Variants in EPHA5 observed in about 807,000 individuals in gnomAD.
The protein encoded by EPHA5 is EPH receptor A5, also known as ephrin type-A receptor 5.
EPHA5 carries 60 observed loss-of-function variants against 105.0 expected under a neutral mutation model. That is an observed-to-expected ratio of 0.57 (90% CI 0.46 to 0.71). The LOEUF (loss-of-function observed/expected upper bound fraction) is 0.71, where lower values mean the gene tolerates loss of function less well. Ranked by LOEUF, EPHA5 falls within the 30% of genes least tolerant of loss-of-function variation. The pLI is 0.00. For missense variants in EPHA5, 1,218 were observed against 1,274.7 expected (o/e 0.96, Z 0.68); for synonymous variants, 513 against 449.1 (o/e 1.14, Z -1.80).
intron 2 of EPHA5, among the ~76,000 whole-genome samples, chr4:65,605,004 C>T (rs1744087797): frequency 6.6e-6 from 1 of 152,200 alleles, no homozygotes; most frequent in Non-Finnish European, 1.5e-5. Flanking sequence ...AATATGATGG[C>T]TGTAGCTCTG....
At chr4:65,486,314 C>T (rs2149202152) in intron 5 of EPHA5, among the ~76,000 whole-genome samples, 1 of 150,988 alleles carries the variant, frequency 6.6e-6, no homozygotes, top group Middle Eastern at 3.4e-3. Context: ...ATTTAAGCCT[C>T]AACCATCTGG....
At chr4:65,418,968 C>T (rs896259655) in intron 6 of EPHA5, among the ~76,000 whole-genome samples, 1 of 142,034 alleles carries the variant, frequency 7.0e-6, no homozygotes, top group African/African-American at 2.6e-5. Flanking sequence ...ACTGCAACCT[C>T]CGCTTCCTGG....
intron 1 of EPHA5, among the ~76,000 whole-genome samples, chr4:65,660,926 T>A (rs534972168): frequency 6.6e-6 from 1 of 152,146 alleles, no homozygotes; most frequent in Admixed American, 6.6e-5. Context: ...CTTTTATTCT[T>A]ACCCTTACCC....
At chr4:65,646,748 A>C (rs1748142995) in intron 1 of EPHA5, among the ~76,000 whole-genome samples, 1 of 152,178 alleles carries the variant, frequency 6.6e-6, no homozygotes, top group African/African-American at 2.4e-5. Flanking sequence ...AAGTTAGCAT[A>C]TTTGGGGGCC....
At chr4:65,644,786 T>A (rs1747975172) in intron 1 of EPHA5, among the ~76,000 whole-genome samples, 1 of 151,904 alleles carries the variant, frequency 6.6e-6, no homozygotes, top group South Asian at 2.1e-4. Flanking sequence ...TATAATAATG[T>A]TAGTAACATT....
chr4:65,521,459 C>A (rs895516634), intron 3 of EPHA5, among the ~76,000 whole-genome samples: 1 of 151,966 alleles, frequency 6.6e-6, no homozygotes, highest in Non-Finnish European at 1.5e-5. Context: ...ACCAACATGG[C>A]ACATGTATAC....
In EPHA5 at chr4:65,601,782, C is replaced by G. The variant is rs757521167; in HGVS notation, c.769G>C (p.Glu257Gln). 2 of 1,614,122 alleles carry G rather than the reference C, an allele frequency of 1.2e-6. No individual in the cohort carries two copies. The highest frequency in any genetic ancestry group is 8.5e-7 in the Non-Finnish European group (1 of 1,180,022). Residue 257 changes from glutamate (E) to glutamine (Q), a missense_variant, in exon 3 of 17, where the codon GAA (glutamate) becomes CAA (glutamine). Around this residue, in one of 3 missense-constraint regions of EPHA5, gnomAD observed 971 missense variants for 1,013.5 expected, o/e 0.96. Coordinates refer to ENST00000613740, the MANE Select transcript of EPHA5 (RefSeq NM_001281766.3). The stretch of plus-strand genomic sequence containing the variant: ...TGGTTGACACAGGAGCCTGACACTT[C>G]GAGCAATTGGGAAGAATCAGCTCCA... ...ITGADSSQLL[E>Q]VSGSCVNHSV...
At position 65,518,540 on chromosome 4, in the gene EPHA5, A is replaced by G. The variant is rs540122255; in HGVS notation, c.911-22997T>C. 3.9e-5 allele frequency among the ~76,000 whole-genome samples: 6 copies of G among 152,142 alleles called. No homozygotes were observed. In the East Asian group the frequency reaches 1.2e-3, roughly 29 times the overall value. ...TACATCCAAATTGGGCAGTATAAAC[A>G]TTGACTGAACAATCTCTGGATATAA... On this transcript the variant is annotated intron_variant, in intron 3 of 16. Coordinates refer to ENST00000613740, the MANE Select transcript of EPHA5 (RefSeq NM_001281766.3).
intron 2 of EPHA5, among the ~76,000 whole-genome samples, chr4:65,636,275 C>A (rs1374359959): frequency 6.6e-6 from 1 of 152,068 alleles, no homozygotes; most frequent in South Asian, 2.1e-4. Flanking sequence ...AGAATGCAAC[C>A]CACTCTGGAC....
rs1367590086 is a variant in EPHA5 at position 65,490,433 on chromosome 4, T to A, written c.1346A>T (p.Asp449Val). ...ATACTGCCGGGCTCCTGGGCTCAAGTCGGACACTCCATTCACTGCCTCAAT... is the reference window on the plus strand; with the variant it reads ...ATACTGCCGGGCTCCTGGGCTCAAGACGGACACTCCATTCACTGCCTCAAT... ...FEIEAVNGVS[D>V]LSPGARQYVS... The change falls in exon 5 of 17, where the codon GAC becomes GTC. Residue 449 changes from aspartate to valine, a missense_variant. Around this residue, in one of 3 missense-constraint regions of EPHA5, gnomAD observed 971 missense variants for 1,013.5 expected, o/e 0.96. Coordinates refer to ENST00000613740, the MANE Select transcript of EPHA5 (RefSeq NM_001281766.3). 1 of 1,613,974 alleles carries A rather than the reference T, an allele frequency of 6.2e-7. No individual in the cohort carries two copies. Among genetic ancestry groups the A allele is most frequent in the African/African-American group, 1.3e-5 (1 of 74,892 alleles).
intron 3 of EPHA5, among the ~76,000 whole-genome samples, chr4:65,536,310 C>T (rs1191588897): frequency 6.6e-6 from 1 of 151,932 alleles, no homozygotes; most frequent in African/African-American, 2.4e-5. Context: ...GTATGACAGG[C>T]ATCAAAATCT....
intron 3 of EPHA5, among the ~76,000 whole-genome samples, chr4:65,522,020 T>A (rs2149282354): frequency 6.6e-6 from 1 of 152,068 alleles, no homozygotes; most frequent in South Asian, 2.1e-4. Flanking sequence ...CTAAAAATTC[T>A]TTATAGTTAA....
chr4:65,452,021 G>A (rs1305817179), intron 5 of EPHA5, among the ~76,000 whole-genome samples: 1 of 152,146 alleles, frequency 6.6e-6, no homozygotes, highest in Non-Finnish European at 1.5e-5. Context: ...TATTTTGTGG[G>A]TGATGATGAA....
At chr4:65,589,925 C>A (rs942976003) in intron 3 of EPHA5, among the ~76,000 whole-genome samples, 1 of 152,118 alleles carries the variant, frequency 6.6e-6, no homozygotes, top group African/African-American at 2.4e-5. Flanking sequence ...TTGATAGTCT[C>A]ATTTTTTATT....
rs191599050 is a variant in EPHA5, at chr4:65,472,208, A to G, written c.1402+18169T>C. ...AGTCATCAAATCTTAAAGCTACAAA[A>G]TCATCTCCTTGAGTCCCTGTCTCAC... On this transcript the variant is annotated intron_variant, in intron 5 of 16. Transcript: ENST00000613740. Among the ~76,000 whole-genome samples, 280 of 152,238 alleles carry G rather than the reference A, an allele frequency of 1.8e-3. 2 individuals carry two copies. Among genetic ancestry groups the G allele is most frequent in the Middle Eastern group, 6.8e-3 (2 of 294 alleles).
intron 7 of EPHA5, among the ~76,000 whole-genome samples, chr4:65,412,943 T>G (rs923890353): frequency 6.6e-6 from 1 of 152,142 alleles, no homozygotes; most frequent in Non-Finnish European, 1.5e-5. Flanking sequence ...CACTCAAGCA[T>G]AGTTTGAGAT....
chr4:65,415,612 T>A (rs1001756028), intron 6 of EPHA5, among the ~76,000 whole-genome samples: 9 of 152,058 alleles, frequency 5.9e-5, no homozygotes, highest in Admixed American at 5.9e-4. Context: ...GCACATTTTC[T>A]GATTCATCCT....
intron 3 of EPHA5, among the ~76,000 whole-genome samples, chr4:65,571,402 C>G (rs1740166326): frequency 6.7e-6 from 1 of 150,316 alleles, no homozygotes; most frequent in African/African-American, 2.4e-5. Context: ...AATGGAGTAC[C>G]ACAAAATTTA....
At chr4:65,523,151 T>A (rs1421881368) in intron 3 of EPHA5, among the ~76,000 whole-genome samples, 1 of 151,946 alleles carries the variant, frequency 6.6e-6, no homozygotes, top group Non-Finnish European at 1.5e-5. Flanking sequence ...ATATGCTATG[T>A]CATATATTCA....
Sources: allele counts gnomAD v4.1 joint callset (sites outside exome capture counted in the v4.1 genomes callset), GRCh38; gene constraint gnomAD v4.1.1; regional missense constraint gnomAD v4.1.1; transcripts MANE v1.5; gene names NCBI Gene and HGNC (gene_info 2026-07-23, HGNC 2026-07-21).